RANBP3L: variants seen among roughly 807,000 people sequenced by gnomAD.
RANBP3L encodes the protein ran-binding protein 3-like.
A neutral mutation model predicts 67.2 loss-of-function variants in RANBP3L; 56 were observed. The ratio of observed to expected loss-of-function variants is 0.83; its 90% confidence interval spans 0.67 to 1.04. The LOEUF is 1.04. RANBP3L is among the 50% of genes least tolerant of loss of function. The probability of loss-of-function intolerance (pLI) is 0.00; values close to 1 mark genes in which losing one functional copy is unlikely to be tolerated. For synonymous variants in RANBP3L, 164 were observed against 181.4 expected, an observed-to-expected ratio of 0.90 and a Z score of 0.77; for missense variants, 496 against 535.5, an observed-to-expected ratio of 0.93 and a Z score of 0.73.
At chr5:36,299,915 A>C (rs1310168809) in intron 1 of RANBP3L, among the ~76,000 whole-genome samples, 1 of 152,230 alleles carries the variant, frequency 6.6e-6, no homozygotes, top group Non-Finnish European at 1.5e-5. Flanking sequence ...TTGTTTAAAA[A>C]GCAAGCAAAG....
chr5:36,275,643 A>T (rs946941249), intron 1 of RANBP3L, among the ~76,000 whole-genome samples: 5 of 152,208 alleles, frequency 3.3e-5, no homozygotes, highest in African/African-American at 1.2e-4. Flanking sequence ...AGCCACCACA[A>T]ATACAAGGAA....
At chr5:36,258,384 T>C (rs1749143727) in intron 8 of RANBP3L, among the ~76,000 whole-genome samples, 1 of 152,190 alleles carries the variant, frequency 6.6e-6, no homozygotes, top group Admixed American at 6.5e-5. Flanking sequence ...CATCAAGATA[T>C]TCCCTCAAAA....
chr5:36,292,618 T>C (rs1579786036), intron 1 of RANBP3L, among the ~76,000 whole-genome samples: 1 of 152,154 alleles, frequency 6.6e-6, no homozygotes, highest in Admixed American at 6.5e-5. Context: ...TTTCTACATA[T>C]GGCTAGCCAG....
chr5:36,290,621 G>T (rs1194653573), intron 1 of RANBP3L, among the ~76,000 whole-genome samples: 1 of 145,048 alleles, frequency 6.9e-6, no homozygotes, highest in African/African-American at 2.6e-5. Context: ...ACTTTCTCAT[G>T]ACTTTGTTTT....
In RANBP3L at chr5:36,286,053, G is replaced by A. The variant is rs113377068; in HGVS notation, c.92-14742C>T. Among the ~76,000 whole-genome samples, 873 of 152,226 alleles carry A rather than the reference G, an allele frequency of 5.7e-3. 6 individuals are homozygous for A. The highest frequency in any genetic ancestry group is 0.024 in the Middle Eastern group (7 of 294). Reference sequence around the variant, plus strand: ...CACAGAATACTGCCTGGGGAATGTCGTTTTGTCTGAGCAAACCTTAAGGAA... The same window carrying A: ...CACAGAATACTGCCTGGGGAATGTCATTTTGTCTGAGCAAACCTTAAGGAA... On this transcript the variant is annotated intron_variant, in intron 1 of 13. Coordinates refer to ENST00000296604, the MANE Select transcript of RANBP3L (RefSeq NM_145000.5).
At chr5:36,270,861 G>A (rs552755093) in intron 2 of RANBP3L, among the ~76,000 whole-genome samples, 1 of 152,348 alleles carries the variant, frequency 6.6e-6, no homozygotes, top group South Asian at 2.1e-4. Flanking sequence ...AAAGCAGACA[G>A]AGTTCAGAAG....
intron 7 of RANBP3L, among the ~76,000 whole-genome samples, chr5:36,261,208 G>A (rs1225714778): frequency 1.3e-5 from 2 of 152,096 alleles, no homozygotes; most frequent in Admixed American, 1.3e-4. Context: ...TTCCTCAAGT[G>A]GCTGATGTTT....
intron 4 of RANBP3L, among the ~76,000 whole-genome samples, 164 bp downstream of exon 4, chr5:36,269,226 G>T (rs1750034208): frequency 6.6e-6 from 1 of 152,134 alleles, no homozygotes; most frequent in Non-Finnish European, 1.5e-5. Context: ...TTTAAATACT[G>T]ACTAACTGTA....
chr5:36,283,319 A>C (rs954112412), intron 1 of RANBP3L, among the ~76,000 whole-genome samples: 2 of 151,856 alleles, frequency 1.3e-5, no homozygotes, highest in African/African-American at 4.8e-5. Flanking sequence ...CAGCCTCCCA[A>C]AGTGCCGGGA....
intron 1 of RANBP3L, among the ~76,000 whole-genome samples, chr5:36,298,091 G>A (rs901421040): frequency 6.6e-6 from 1 of 151,902 alleles, no homozygotes; most frequent in African/African-American, 2.4e-5. Context: ...ATGAGGTCAG[G>A]AGTTCGAGAC....
intron 1 of RANBP3L, among the ~76,000 whole-genome samples, chr5:36,300,093 T>G (rs1238617730): frequency 6.6e-6 from 1 of 152,206 alleles, no homozygotes; most frequent in Non-Finnish European, 1.5e-5. Context: ...GGGAAGTCAC[T>G]TTAACATTTC....
At chr5:36,269,637 C>T (rs1750070425) in intron 3 of RANBP3L, among the ~76,000 whole-genome samples, 170 bp from the exon 4 acceptor site, 1 of 152,040 alleles carries the variant, frequency 6.6e-6, no homozygotes, top group African/African-American at 2.4e-5. Flanking sequence ...AACCTATAGG[C>T]ATATCATACT....
chr5:36,269,529 G>C, intron 3 of RANBP3L, 62 bp from the exon 4 acceptor site: 1 of 935,204 alleles, frequency 1.1e-6, no homozygotes. Context: ...CTCAACTCAT[G>C]ATAGGGTAGG....
intron 1 of RANBP3L, among the ~76,000 whole-genome samples, chr5:36,298,519 G>A (rs964784717): frequency 1.3e-5 from 2 of 152,120 alleles, no homozygotes; most frequent in African/African-American, 4.8e-5. Flanking sequence ...TGGGACCTTT[G>A]CTGAACTTCA....
At chr5:36,284,052 T>G (rs1214048237) in intron 1 of RANBP3L, among the ~76,000 whole-genome samples, 1 of 152,064 alleles carries the variant, frequency 6.6e-6, no homozygotes, top group East Asian at 1.9e-4. Context: ...GGCACGATCT[T>G]GGCTCACCAC....
chr5:36,264,916 G>T (rs1433889322), intron 6 of RANBP3L, 43 bp downstream of exon 6: 1 of 1,570,918 alleles, frequency 6.4e-7, no homozygotes, highest in Admixed American at 1.9e-5. Flanking sequence ...CAAAAAGAAA[G>T]ATGAGGGATT....
intron 1 of RANBP3L, among the ~76,000 whole-genome samples, chr5:36,276,619 C>A (rs1229405629): frequency 2.6e-5 from 4 of 151,612 alleles, no homozygotes; most frequent in Non-Finnish European, 4.4e-5. Context: ...GTACTATATA[C>A]CCCCCCTAAT....
rs74293506 is a variant in RANBP3L at position 36,272,985 on chromosome 5, T to A, written c.92-1674A>T. ...CAAGCACTTACCATGCTGTCTTCCC[T>A]TGGAGCCAAGTGATCCCCAGCAGAA... On this transcript the variant is annotated intron_variant, in intron 1 of 13. Transcript: ENST00000296604. 0.012 allele frequency among the ~76,000 whole-genome samples: 1,838 copies of A among 152,248 alleles called. 150 individuals carry two copies. In the East Asian group the frequency reaches 0.22, roughly 18 times the overall value.
chr5:36,289,901 G>A (rs1464561523), intron 1 of RANBP3L, among the ~76,000 whole-genome samples: 1 of 151,782 alleles, frequency 6.6e-6, no homozygotes, highest in Non-Finnish European at 1.5e-5. Context: ...ACACTGGCTA[G>A]GATCTCCAGT....
Sources: gnomAD v4.1 joint callset for allele counts (sites outside exome capture counted in the v4.1 genomes callset) on GRCh38, gnomAD v4.1.1 for gene constraint, MANE v1.5 for transcripts, NCBI Gene and HGNC (gene_info 2026-07-23, HGNC 2026-07-21) for gene names.